Variants in CYP4X1 observed in about 807,000 individuals in gnomAD.
CYP4X1 encodes the protein cytochrome P450 4X1.
In CYP4X1, 44 loss-of-function variants were observed where a neutral mutation model predicts 57.9. The observed-to-expected ratio is 0.76, with a 90% CI of 0.60 to 0.98. The LOEUF (loss-of-function observed/expected upper bound fraction) is 0.98. CYP4X1 is among the 50% of genes least tolerant of loss of function. The pLI, the probability that CYP4X1 is intolerant of heterozygous loss-of-function variation, is 0.00. For synonymous variants in CYP4X1, 227 were observed against 228.6 expected, an observed-to-expected ratio of 0.99 and a Z score of 0.06; for missense variants, 532 against 623.9, an observed-to-expected ratio of 0.85 and a Z score of 1.57.
At chr1:46,963,856 T>A in the CYP4X1 span, among the ~76,000 whole-genome samples, 1 of 152,274 alleles carries the variant, frequency 6.6e-6, no homozygotes, top group Non-Finnish European at 1.5e-5. Flanking sequence ...CTTGGTTCCA[T>A]TCTCCCCGTC....
the CYP4X1 span, among the ~76,000 whole-genome samples, chr1:47,012,019 G>A: frequency 6.6e-6 from 1 of 152,166 alleles, no homozygotes; most frequent in African/African-American, 2.4e-5. Context: ...CAAGGATCTA[G>A]AACTAGAAAT....
the CYP4X1 span, among the ~76,000 whole-genome samples, chr1:46,987,248 A>G: frequency 6.6e-6 from 1 of 152,228 alleles, no homozygotes; most frequent in Non-Finnish European, 1.5e-5. Context: ...TCTCTGATAA[A>G]ACAGACTTTA....
At chr1:46,974,976 G>A in the CYP4X1 span, among the ~76,000 whole-genome samples, 1 of 152,114 alleles carries the variant, frequency 6.6e-6, no homozygotes, top group Non-Finnish European at 1.5e-5. Flanking sequence ...TATACAAGAT[G>A]TTTTGATCTA....
chr1:47,046,427 G>C (rs1467132351), intron 8 of CYP4X1, 40 bp from the exon 9 acceptor site: 1 of 1,610,918 alleles, frequency 6.2e-7, no homozygotes, highest in Admixed American at 1.7e-5. Context: ...AAGTAAACTG[G>C]TTATGATATC....
At chr1:47,026,995 G>A (rs575449246) in intron 1 of CYP4X1, among the ~76,000 whole-genome samples, 14 of 152,278 alleles carry the variant, frequency 9.2e-5, no homozygotes, top group Admixed American at 2.6e-4. Flanking sequence ...GATTACAGGC[G>A]TGAGCCACCA....
chr1:46,993,339 A>G, the CYP4X1 span, among the ~76,000 whole-genome samples: 1 of 152,014 alleles, frequency 6.6e-6, no homozygotes, highest in East Asian at 1.9e-4. Flanking sequence ...TCATTGTTGG[A>G]CATTTAGGTT....
the CYP4X1 span, among the ~76,000 whole-genome samples, chr1:46,998,432 G>GT: frequency 1.3e-5 from 2 of 152,032 alleles, no homozygotes; most frequent in African/African-American, 4.8e-5. Context: ...AGAGTTATTA[G>GT]TTTTTTCTTT....
the CYP4X1 span, among the ~76,000 whole-genome samples, chr1:46,990,235 T>C: frequency 6.6e-6 from 1 of 151,402 alleles, no homozygotes; most frequent in Non-Finnish European, 1.5e-5. Context: ...AAAAAGTGGG[T>C]GAAGGATATG....
chr1:46,963,961 C>G, the CYP4X1 span, among the ~76,000 whole-genome samples: 1 of 152,162 alleles, frequency 6.6e-6, no homozygotes, highest in African/African-American at 2.4e-5. Flanking sequence ...TCTTTTTTCT[C>G]TAAACTTCTC....
the CYP4X1 span, among the ~76,000 whole-genome samples, chr1:47,001,603 C>T: frequency 6.6e-6 from 1 of 152,180 alleles, no homozygotes; most frequent in African/African-American, 2.4e-5. Context: ...CCTCCCACTC[C>T]AGGGTCTAAG....
At chr1:47,026,540 C>A (rs1381882956) in intron 1 of CYP4X1, among the ~76,000 whole-genome samples, 1 of 152,084 alleles carries the variant, frequency 6.6e-6, no homozygotes, top group African/African-American at 2.4e-5. Context: ...AGTTTCTATA[C>A]AAATTTTAGA....
downstream of CYP4X1, among the ~76,000 whole-genome samples, chr1:47,051,558 TC>T (rs1476352111): frequency 6.6e-6 from 1 of 152,156 alleles, no homozygotes; most frequent in African/African-American, 2.4e-5. Context: ...AACTGATTTC[TC>T]CCCTTGGATG....
chr1:46,979,030 T>A, the CYP4X1 span, among the ~76,000 whole-genome samples: 8 of 152,102 alleles, frequency 5.3e-5, no homozygotes, highest in South Asian at 1.7e-3. Context: ...CCAGGAAAGA[T>A]CTAAAATCAA....
chr1:47,029,596 C>T (rs1027062273), intron 1 of CYP4X1, among the ~76,000 whole-genome samples: 2 of 152,020 alleles, frequency 1.3e-5, no homozygotes, highest in Non-Finnish European at 2.9e-5. Flanking sequence ...GGGTCATGCC[C>T]CATTTAGTAA....
rs1212619164 is a variant in CYP4X1, at chr1:47,033,263, C to T, written c.387C>T (p.Asp129=). Residue 129 remains aspartate (D), a synonymous_variant, in exon 4 of 12, where the codon GAC becomes GAT. Coordinates refer to ENST00000371901, the MANE Select transcript of CYP4X1 (RefSeq NM_178033.2). ...AAGGAAAAGGACTAGCGGCTCTAGA[C>T]GGACCCAAGTGGTTCCAGCATCGTC... ...PLLGKGLAAL[D]GPKWFQHRRL... The T allele has an allele frequency of 1.4e-5, 23 of 1,613,506 alleles. No individual in the cohort carries two copies. Among genetic ancestry groups the T allele is most frequent in the Admixed American group, 8.3e-5 (5 of 59,904 alleles).
the CYP4X1 span, among the ~76,000 whole-genome samples, chr1:47,017,158 A>C: frequency 6.6e-6 from 1 of 152,244 alleles, no homozygotes; most frequent in Non-Finnish European, 1.5e-5. Context: ...GTGCTGCAAC[A>C]AACATGGGAG....
chr1:47,012,197 G>C, the CYP4X1 span, among the ~76,000 whole-genome samples: 13 of 152,128 alleles, frequency 8.5e-5, no homozygotes. Context: ...AAGAAAATGT[G>C]GCACATATAC....
the CYP4X1 span, among the ~76,000 whole-genome samples, chr1:46,985,056 G>C: frequency 6.6e-6 from 1 of 152,186 alleles, no homozygotes; most frequent in Non-Finnish European, 1.5e-5. Flanking sequence ...GCTTGAGTAG[G>C]TGGTTTTCCC....
chr1:47,001,473 AC>A, the CYP4X1 span, among the ~76,000 whole-genome samples: 11 of 152,126 alleles, frequency 7.2e-5, no homozygotes, highest in Admixed American at 7.2e-4. Flanking sequence ...AGGGAGACCG[AC>A]AGGCACCCAG....
Sources: allele counts gnomAD v4.1 joint callset (sites outside exome capture counted in the v4.1 genomes callset), GRCh38; gene constraint gnomAD v4.1.1; transcripts MANE v1.5; gene names NCBI Gene and HGNC (gene_info 2026-07-23, HGNC 2026-07-21).